Variants in PLCB1 observed in about 807,000 individuals in gnomAD.
The protein encoded by PLCB1 is 1-phosphatidylinositol 4,5-bisphosphate phosphodiesterase beta-1.
PLCB1 carries 46 observed loss-of-function variants against 161.8 expected under a neutral mutation model. The observed-to-expected ratio is 0.28, with a 90% confidence interval of 0.22 to 0.36. The LOEUF (loss-of-function observed/expected upper bound fraction) is 0.36, where lower values mean the gene tolerates loss of function less well. PLCB1 is among the 10% of genes least tolerant of loss of function. PLCB1 has a pLI of 1.00. For synonymous variants in PLCB1, 517 were observed against 503.7 expected, an observed-to-expected ratio of 1.03 and a Z score of -0.35; for missense variants, 1,016 against 1,472.5, an observed-to-expected ratio of 0.69 and a Z score of 5.07.
intron 31 of PLCB1, among the ~76,000 whole-genome samples, chr20:8,836,961 C>A (rs1161820906): frequency 6.6e-6 from 1 of 152,128 alleles, no homozygotes; most frequent in Non-Finnish European, 1.5e-5. Flanking sequence ...ACAATTTGAA[C>A]CCTCAGCCTC....
At chr20:8,627,660 A>G (rs1166720231) in intron 3 of PLCB1, among the ~76,000 whole-genome samples, 3 of 152,214 alleles carry the variant, frequency 2.0e-5, no homozygotes. Flanking sequence ...CTACATCTCC[A>G]AAGGATTTCC....
intron 31 of PLCB1, among the ~76,000 whole-genome samples, chr20:8,795,456 A>G (rs1377842758): frequency 6.6e-6 from 1 of 152,250 alleles, no homozygotes; most frequent in Non-Finnish European, 1.5e-5. Flanking sequence ...CCTTTCCAGT[A>G]GAGTTCTGAA....
chr20:8,329,808 A>G (rs1040502682), intron 2 of PLCB1, among the ~76,000 whole-genome samples: 10 of 152,294 alleles, frequency 6.6e-5, no homozygotes, highest in African/African-American at 2.4e-4. Context: ...CTGCCACAGC[A>G]TGTTCTGAAA....
At chr20:8,243,248 A>T (rs765965967) in intron 2 of PLCB1, among the ~76,000 whole-genome samples, 1 of 152,020 alleles carries the variant, frequency 6.6e-6, no homozygotes, top group Admixed American at 6.6e-5. Flanking sequence ...TGATTCTGGA[A>T]CCTACTTTAA....
At chr20:8,563,702 A>G (rs1288553024) in intron 3 of PLCB1, among the ~76,000 whole-genome samples, 1 of 152,160 alleles carries the variant, frequency 6.6e-6, no homozygotes, top group Non-Finnish European at 1.5e-5. Context: ...TACACCAATA[A>G]TAGGCAAACA....
At chr20:8,339,129 T>C (rs1198806308) in intron 2 of PLCB1, among the ~76,000 whole-genome samples, 1 of 152,248 alleles carries the variant, frequency 6.6e-6, no homozygotes, top group Non-Finnish European at 1.5e-5. Context: ...GGTCTTCTCA[T>C]GGACATACAT....
intron 2 of PLCB1, among the ~76,000 whole-genome samples, chr20:8,156,029 T>C (rs571430652): frequency 1.3e-5 from 2 of 152,266 alleles, no homozygotes; most frequent in African/African-American, 4.8e-5. Context: ...ATTGATGATA[T>C]TAATAGCTAA....
intron 2 of PLCB1, among the ~76,000 whole-genome samples, chr20:8,165,213 GAA>G (rs1321992760): frequency 1.3e-5 from 2 of 152,202 alleles, no homozygotes; most frequent in African/African-American, 4.8e-5. Context: ...ACTGTACAGA[GAA>G]TATAAGTTTT....
At chr20:8,278,978 TAA>T (rs11311727) in intron 2 of PLCB1, among the ~76,000 whole-genome samples, 6 of 123,736 alleles carry the variant, frequency 4.8e-5, no homozygotes, top group African/African-American at 9.4e-5. Context: ...CAGTGTTTTT[TAA>T]AAAAAAAAAC....
intron 21 of PLCB1, 57 bp downstream of exon 21, chr20:8,739,417 C>A: frequency 9.9e-7 from 1 of 1,013,236 alleles, no homozygotes; most frequent in Non-Finnish European, 1.6e-6. Flanking sequence ...ATCATTACTG[C>A]TTAAAATATT....
intron 23 of PLCB1, among the ~76,000 whole-genome samples, chr20:8,746,248 A>G (rs945417476): frequency 1.3e-5 from 2 of 152,150 alleles, no homozygotes; most frequent in African/African-American, 4.8e-5. Context: ...CACATTTTTT[A>G]AAATAATTTT....
At chr20:8,205,153 A>C (rs145340606) in intron 2 of PLCB1, among the ~76,000 whole-genome samples, 242 of 152,318 alleles carry the variant, frequency 1.6e-3, no homozygotes, top group African/African-American at 5.6e-3. Flanking sequence ...TTGTTATGAA[A>C]TATAACAGGA....
chr20:8,169,319 G>GAACACTATGT (rs1475298012), intron 2 of PLCB1, among the ~76,000 whole-genome samples: 1 of 152,076 alleles, frequency 6.6e-6, no homozygotes, highest in Non-Finnish European at 1.5e-5. Flanking sequence ...AACCTGCCTT[G>GAACACTATGT]AACACTATGT....
In PLCB1 at chr20:8,879,171, T is replaced by A. The variant is rs111343944; in HGVS notation, c.3424-2451T>A. 6.6e-3 allele frequency among the ~76,000 whole-genome samples: 1,012 copies of A among 152,256 alleles called. 10 individuals are homozygous for A. The highest frequency in any genetic ancestry group is 0.023 in the African/African-American group (950 of 41,554). ...TTTTATGGCTGCCTACTATTCCACA[T>A]TATAAGTACCATATTTTCTTTATCC... On this transcript the variant is annotated intron_variant, in intron 31 of 31. Coordinates refer to ENST00000338037, the MANE Select transcript of PLCB1 (RefSeq NM_015192.4).
chr20:8,227,607 T>C (rs1979765255), intron 2 of PLCB1, among the ~76,000 whole-genome samples: 1 of 152,184 alleles, frequency 6.6e-6, no homozygotes, highest in Admixed American at 6.5e-5. Context: ...TCTTCACCCC[T>C]ACCAACCCAC....
chr20:8,223,680 G>A (rs776168236), intron 2 of PLCB1, among the ~76,000 whole-genome samples: 8 of 152,128 alleles, frequency 5.3e-5, no homozygotes, highest in Non-Finnish European at 1.2e-4. Context: ...AATACTTGTA[G>A]AATTCAAAAA....
chr20:8,327,694 T>G (rs2122181036), intron 2 of PLCB1, among the ~76,000 whole-genome samples: 1 of 152,328 alleles, frequency 6.6e-6, no homozygotes, highest in South Asian at 2.1e-4. Flanking sequence ...GTCATGATAA[T>G]TCTAATTTCT....
intron 14 of PLCB1, among the ~76,000 whole-genome samples, chr20:8,719,081 A>G (rs1297597580): frequency 2.0e-5 from 3 of 152,188 alleles, no homozygotes; most frequent in Non-Finnish European, 4.4e-5. Context: ...TTTGTCATTT[A>G]GTCTGATTTA....
chr20:8,604,758 C>T (rs1181325834), intron 3 of PLCB1, among the ~76,000 whole-genome samples: 1 of 152,152 alleles, frequency 6.6e-6, no homozygotes, highest in African/African-American at 2.4e-5. Flanking sequence ...GAGGTCTATT[C>T]ACATTGCATT....
Sources: gnomAD v4.1 joint callset for allele counts (sites outside exome capture counted in the v4.1 genomes callset) on GRCh38, gnomAD v4.1.1 for gene constraint, MANE v1.5 for transcripts, NCBI Gene and HGNC (gene_info 2026-07-23, HGNC 2026-07-21) for gene names.